CERS3: variants seen among roughly 807,000 people sequenced by gnomAD.
The protein encoded by CERS3 is LAG1 homolog, ceramide synthase 3.
CERS3 carries 33 observed loss-of-function variants against 50.3 expected under a neutral mutation model. That is an observed-to-expected ratio of 0.66 (90% confidence interval 0.50 to 0.88). The LOEUF (loss-of-function observed/expected upper bound fraction) is 0.88. Ranked by LOEUF, CERS3 falls within the 40% of genes least tolerant of loss-of-function variation. The pLI is 0.00. For synonymous variants in CERS3, 176 were observed against 155.2 expected (o/e 1.13, Z -0.99); for missense variants, 470 against 460.3 (o/e 1.02, Z -0.19).
chr15:100,496,903 T>C (rs1051741352), intron 3 of CERS3, among the ~76,000 whole-genome samples: 6 of 152,216 alleles, frequency 3.9e-5, no homozygotes, highest in Non-Finnish European at 8.8e-5. Flanking sequence ...TGATTAAATG[T>C]ATGTCAGTCC....
intron 11 of CERS3, among the ~76,000 whole-genome samples, chr15:100,446,542 T>C (rs2033953082): frequency 6.6e-6 from 1 of 152,146 alleles, no homozygotes; most frequent in Admixed American, 6.5e-5. Context: ...GGAAAACTAA[T>C]TAATCAAAGA....
At chr15:100,497,714 C>T (rs1313675413) in intron 3 of CERS3, among the ~76,000 whole-genome samples, 1 of 152,074 alleles carries the variant, frequency 6.6e-6, no homozygotes. Context: ...TAAATATACA[C>T]ATTCATAGCA....
chr15:100,466,648 G>A (rs971642031), intron 10 of CERS3, among the ~76,000 whole-genome samples: 6 of 98,608 alleles, frequency 6.1e-5, no homozygotes, highest in African/African-American at 8.9e-5. Flanking sequence ...GAGGGGCTGT[G>A]GGTATTCCAG....
intron 4 of CERS3, among the ~76,000 whole-genome samples, chr15:100,486,190 C>T (rs1376001199): frequency 6.6e-6 from 1 of 152,218 alleles, no homozygotes; most frequent in Non-Finnish European, 1.5e-5. Context: ...TAAAGCCTGC[C>T]TGTGGGCCAG....
At chr15:100,439,783 G>A (rs2033596613) in intron 11 of CERS3, among the ~76,000 whole-genome samples, 1 of 152,180 alleles carries the variant, frequency 6.6e-6, no homozygotes, top group Non-Finnish European at 1.5e-5. Flanking sequence ...GGAAAACAGA[G>A]TACACATGCA....
At chr15:100,510,297 G>GA (rs1387603275) in intron 2 of CERS3, among the ~76,000 whole-genome samples, 1 of 151,982 alleles carries the variant, frequency 6.6e-6, no homozygotes, top group Admixed American at 6.6e-5. Context: ...AGAAAAAAAA[G>GA]AAAAATATCC....
chr15:100,498,459 T>C (rs1021353678), intron 3 of CERS3, among the ~76,000 whole-genome samples: 1 of 152,080 alleles, frequency 6.6e-6, no homozygotes, highest in African/African-American at 2.4e-5. Context: ...CCAGCTAGCT[T>C]GCCTAAATTT....
At chr15:100,508,280 G>A (rs183754533) in intron 2 of CERS3, among the ~76,000 whole-genome samples, 2 of 152,088 alleles carry the variant, frequency 1.3e-5, no homozygotes, top group Admixed American at 1.3e-4. Context: ...TCTTCCTGTT[G>A]GAAATGTGAT....
At chr15:100,454,689 AG>A (rs1295892537) in intron 11 of CERS3, among the ~76,000 whole-genome samples, 1 of 152,196 alleles carries the variant, frequency 6.6e-6, no homozygotes, top group Non-Finnish European at 1.5e-5. Context: ...CTCAAAAGCC[AG>A]GCAACAAAAA....
rs973868474 is a variant in CERS3 at position 100,451,083 on chromosome 15, A to G, written c.999+4810T>C. 4.6e-5 allele frequency among the ~76,000 whole-genome samples: 7 copies of G among 152,362 alleles called. No individual in the cohort carries two copies. The South Asian group carries it at 8.3e-4, about 18-fold the overall frequency. On this transcript the variant is annotated intron_variant, in intron 11 of 11. Transcript: ENST00000679737. ...TTCTACATCCAGAAGTGAAAAAATCATATCTACCAGCATGAAAACAGAAAA... is the reference window on the plus strand; with the variant it reads ...TTCTACATCCAGAAGTGAAAAAATCGTATCTACCAGCATGAAAACAGAAAA...
chr15:100,509,460 G>A (rs1161084998), intron 2 of CERS3, among the ~76,000 whole-genome samples: 4 of 152,136 alleles, frequency 2.6e-5, no homozygotes, highest in Non-Finnish European at 5.9e-5. Flanking sequence ...ATAGAGGAGA[G>A]CAACAAGAAA....
At chr15:100,448,980 G>A (rs1368277822) in intron 11 of CERS3, among the ~76,000 whole-genome samples, 1 of 152,148 alleles carries the variant, frequency 6.6e-6, no homozygotes, top group African/African-American at 2.4e-5. Flanking sequence ...TGCAGGTGCT[G>A]CCACTGAAAG....
At chr15:100,472,756 G>C (rs2035008174) in intron 9 of CERS3, among the ~76,000 whole-genome samples, 168 bp downstream of exon 9, 1 of 152,112 alleles carries the variant, frequency 6.6e-6, no homozygotes, top group South Asian at 2.1e-4. Context: ...AAAACTAAGA[G>C]GTTTCATTTC....
In CERS3 at chr15:100,490,858, A is replaced by G; in HGVS notation, c.247T>C (p.Leu83=). Residue 83 remains leucine (L), a synonymous_variant, in exon 4 of 12, where the codon TTA becomes CTA. Transcript: ENST00000679737. ...TVRKVTPNTV[L]ENFFKHSTRQ... Reference sequence around the variant, plus strand: ...GTGGAATGTTTGAAAAAATTCTCTAAGACAGTATTTGGTGTAACCTTTCGA... The same window carrying G: ...GTGGAATGTTTGAAAAAATTCTCTAGGACAGTATTTGGTGTAACCTTTCGA... The G allele has an allele frequency of 3.1e-6, 5 of 1,612,774 alleles. No individual in the cohort carries two copies. Among genetic ancestry groups the G allele is most frequent in the Non-Finnish European group, 4.2e-6 (5 of 1,179,172 alleles).
In CERS3 at chr15:100,455,936, C is replaced by T; in HGVS notation, c.956G>A (p.Gly319Asp). The T allele has an allele frequency of 6.2e-7, 1 of 1,612,984 alleles. No individual in the cohort carries two copies. Among genetic ancestry groups the T allele is most frequent in the Non-Finnish European group, 8.5e-7 (1 of 1,179,392 alleles). ...MILQVLHLYW[G>D]YYILKMLNRC... ...GTTGAGCATCTTCAAGATGTAATAA[C>T]CCCAGTAAAGGTGAAGGACCTGCAA... Residue 319 changes from glycine (G) to aspartate (D), a missense_variant, in exon 11 of 12, where the codon GGT becomes GAT. By Grantham distance (94) the Gly-to-Asp change is moderately conservative. Transcript: ENST00000679737.
intron 11 of CERS3, among the ~76,000 whole-genome samples, chr15:100,419,031 C>A (rs1284623133): frequency 7.2e-6 from 1 of 139,742 alleles, no homozygotes; most frequent in Admixed American, 7.4e-5. Flanking sequence ...AACTAACGAG[C>A]AAAATCACCA....
chr15:100,420,082 A>G (rs1263019517), intron 11 of CERS3, among the ~76,000 whole-genome samples: 1 of 145,218 alleles, frequency 6.9e-6, no homozygotes, highest in Admixed American at 7.0e-5. Flanking sequence ...AACTAAAATC[A>G]GAGCAGAACT....
chr15:100,404,640 G>C (rs2030844967), intron 11 of CERS3, among the ~76,000 whole-genome samples: 2 of 152,120 alleles, frequency 1.3e-5, no homozygotes, highest in Admixed American at 6.5e-5. Context: ...AATTTATATG[G>C]AGAGGCAAAG....
chr15:100,521,434 T>C (rs1046835804), intron 2 of CERS3, among the ~76,000 whole-genome samples: 1 of 152,174 alleles, frequency 6.6e-6, no homozygotes. Context: ...CTTTGCTACC[T>C]GCTGCTGTCA....
Sources: allele counts gnomAD v4.1 joint callset (sites outside exome capture counted in the v4.1 genomes callset), GRCh38; gene constraint gnomAD v4.1.1; transcripts MANE v1.5; gene names NCBI Gene and HGNC (gene_info 2026-07-23, HGNC 2026-07-21).